Variants in MYO9B observed in about 807,000 individuals in gnomAD.
MYO9B encodes the protein myosin IXB.
MYO9B carries 71 observed loss-of-function variants against 229.5 expected under a neutral mutation model. The observed-to-expected ratio is 0.31, with a 90% CI of 0.26 to 0.38. The LOEUF (loss-of-function observed/expected upper bound fraction) is 0.38, where lower values mean the gene tolerates loss of function less well. MYO9B is among the 10% of genes least tolerant of loss of function. MYO9B has a pLI of 1.00. For missense variants in MYO9B, 2,255 were observed against 2,920.5 expected (o/e 0.77, Z 5.25); for synonymous variants, 1,185 against 1,235.8 (o/e 0.96, Z 0.86).
Position 17,172,767 on chromosome 19 carries a change from G to C in MYO9B, c.1944G>C (p.Arg648=). The change falls in exon 13 of 40, where the codon CGG becomes CGC. Residue 648 remains arginine, a synonymous_variant. Coordinates refer to ENST00000682292, the MANE Select transcript of MYO9B (RefSeq NM_004145.4). The surrounding 1 kb of genome is among the most constrained non-coding windows in gnomAD (Gnocchi z 8.2). ...CATCCATCCCCCACCAGGACTTCCG[G>C]GAGAAGAACATGGACTACATGCGGC... The part of the protein sequence containing the change: ...GKVKYQIKDF[R]EKNMDYMRPD... 6.2e-7 allele frequency: 1 copy of C among 1,613,520 alleles called. No individual in the cohort carries two copies. The highest frequency in any genetic ancestry group is 8.5e-7 in the Non-Finnish European group (1 of 1,179,790).
At chr19:17,184,674 C>A in intron 16 of MYO9B, 191 bp from the exon 17 acceptor site, 1 of 621,074 alleles carries the variant, frequency 1.6e-6, no homozygotes, top group Non-Finnish European at 2.7e-6. Flanking sequence ...GCGCTGTGTG[C>A]AAGGTGCAAA....
intron 21 of MYO9B, 131 bp from the exon 22 acceptor site, chr19:17,194,425 A>G: frequency 4.1e-6 from 4 of 986,980 alleles, no homozygotes; most frequent in Non-Finnish European, 6.0e-6. Flanking sequence ...TTCCAGAAGC[A>G]TCTCTCAGGG....
intron 2 of MYO9B, among the ~76,000 whole-genome samples, chr19:17,114,004 C>T (rs1202903795): frequency 6.6e-6 from 1 of 152,138 alleles, no homozygotes; most frequent in Admixed American, 6.5e-5. Flanking sequence ...ATGGCCAGGC[C>T]ATCCTGTGCA....
chr19:17,132,982 G>A (rs1052340145), intron 2 of MYO9B, among the ~76,000 whole-genome samples: 1 of 151,928 alleles, frequency 6.6e-6, no homozygotes, highest in African/African-American at 2.4e-5. Context: ...CGAGTAGCTG[G>A]AACTACAGGC....
chr19:17,191,306 CT>C, intron 20 of MYO9B, 87 bp downstream of exon 20: 3 of 1,310,320 alleles, frequency 2.3e-6, no homozygotes, highest in Non-Finnish European at 3.0e-6. Context: ...CAGGGCCACT[CT>C]CTGAAACATA....
In MYO9B at chr19:17,203,251, C is replaced by A; in HGVS notation, c.4983C>A (p.Leu1661=). The change falls in exon 30 of 40, where the codon CTC becomes CTA. Residue 1661 remains leucine, a synonymous_variant. Coordinates refer to ENST00000682292, the MANE Select transcript of MYO9B (RefSeq NM_004145.4). ...TCTGGCTCATGGACAAGGCCCTGCT[C>A]TGCAGCGGTGAGTGGCTCCCCCACC... ...SYIWLMDKAL[L]CSVCKMTCHK... The A allele has an allele frequency of 6.4e-7, 1 of 1,552,786 alleles. No homozygotes were observed. The highest frequency in any genetic ancestry group is 1.2e-5 in the South Asian group (1 of 84,152).
chr19:17,205,163 AAAAG>A, intron 30 of MYO9B, 96 bp from the exon 31 acceptor site: 6 of 827,372 alleles, frequency 7.3e-6, no homozygotes, highest in South Asian at 1.6e-5. Flanking sequence ...AAAAAAAAAA[AAAAG>A]AAGGCAATTG....
At chr19:17,165,034 T>C (rs555345289) in intron 10 of MYO9B, among the ~76,000 whole-genome samples, 1 of 152,058 alleles carries the variant, frequency 6.6e-6, no homozygotes, top group East Asian at 1.9e-4. Context: ...CCAGCTAGTT[T>C]TTTGGTTTTA....
Position 17,076,704 on chromosome 19 carries a change from C to A in MYO9B, c.-59+830C>A, listed in dbSNP as rs569847748. Among the ~76,000 whole-genome samples the A allele has an allele frequency of 2.0e-5, 3 of 152,262 alleles. No individual in the cohort carries two copies. In the East Asian group the frequency reaches 5.8e-4, roughly 29 times the overall value. On this transcript the variant is annotated intron_variant, in intron 1 of 39. Transcript: ENST00000682292. ...CTCGTCTTGGAAACTTCACCACCCT[C>A]CCCTTAAGACAGGACTAGCAGGATT...
At chr19:17,155,756 C>T (rs1226898455) in intron 6 of MYO9B, among the ~76,000 whole-genome samples, 8 of 151,452 alleles carry the variant, frequency 5.3e-5, no homozygotes, top group Admixed American at 4.6e-4. Flanking sequence ...CAGTGGCTCA[C>T]GCCTGTAATC....
chr19:17,112,605 G>T (rs528085138), intron 2 of MYO9B, among the ~76,000 whole-genome samples: 8 of 152,314 alleles, frequency 5.3e-5, no homozygotes, highest in Non-Finnish European at 8.8e-5. Context: ...GGAGGAGAGG[G>T]GGTCAGAGAT....
chr19:17,207,374 G>T, intron 35 of MYO9B, 130 bp downstream of exon 35: 1 of 1,289,440 alleles, frequency 7.8e-7, no homozygotes, highest in Non-Finnish European at 1.1e-6. Flanking sequence ...GTTCACACCT[G>T]TAATCCTAGC....
chr19:17,112,295 A>G (rs751738), intron 2 of MYO9B, among the ~76,000 whole-genome samples: 9,820 of 152,114 alleles, frequency 0.065, 339 homozygotes, highest in South Asian at 0.11. Flanking sequence ...TGGGACCAGG[A>G]GCCGGGGTGG....
At chr19:17,208,481 G>T (rs2073188488) in intron 35 of MYO9B, among the ~76,000 whole-genome samples, 1 of 151,174 alleles carries the variant, frequency 6.6e-6, no homozygotes, top group African/African-American at 2.4e-5. Flanking sequence ...TCCCAGGCTG[G>T]AGTGCAGTGG....
At chr19:17,085,701 T>C (rs2057575905) in intron 1 of MYO9B, among the ~76,000 whole-genome samples, 2 of 151,652 alleles carry the variant, frequency 1.3e-5, no homozygotes, top group Non-Finnish European at 2.9e-5. Flanking sequence ...GAATGTGGAC[T>C]TGCACCTGTA....
intron 1 of MYO9B, among the ~76,000 whole-genome samples, chr19:17,097,398 A>T (rs1422823924): frequency 6.6e-6 from 1 of 152,070 alleles, no homozygotes; most frequent in Non-Finnish European, 1.5e-5. Context: ...TAAAAATAAA[A>T]ATAAAAATAA....
chr19:17,142,651 C>G (rs1261089905), intron 2 of MYO9B, among the ~76,000 whole-genome samples: 1 of 152,086 alleles, frequency 6.6e-6, no homozygotes, highest in African/African-American at 2.4e-5. Context: ...AGATGGTAGT[C>G]TCTGTTGCAA....
chr19:17,085,209 C>T (rs1013148208), intron 1 of MYO9B, among the ~76,000 whole-genome samples: 4 of 152,120 alleles, frequency 2.6e-5, no homozygotes, highest in African/African-American at 7.2e-5. Flanking sequence ...CATCCAGTTC[C>T]GCTCTCAGGT....
At chr19:17,110,842 C>T (rs1339413233) in intron 2 of MYO9B, among the ~76,000 whole-genome samples, 1 of 152,082 alleles carries the variant, frequency 6.6e-6, no homozygotes, top group African/African-American at 2.4e-5. Context: ...GAGGAAGGGT[C>T]CTGAACGTGC....
Sources: allele counts gnomAD v4.1 joint callset (sites outside exome capture counted in the v4.1 genomes callset), GRCh38; gene constraint gnomAD v4.1.1; non-coding constraint Gnocchi (gnomAD v3.1); transcripts MANE v1.5; gene names NCBI Gene and HGNC (gene_info 2026-07-23, HGNC 2026-07-21).